The following BAIAP2 variants were observed in gnomAD, a reference collection of about 807,000 sequenced individuals.
BAIAP2 encodes BAR/IMD domain-containing adapter protein 2.
Under a neutral mutation model 63.0 loss-of-function variants are expected in BAIAP2, and 18 were observed. The ratio of observed to expected loss-of-function variants is 0.29; its 90% CI spans 0.20 to 0.42. The LOEUF (loss-of-function observed/expected upper bound fraction) is 0.42. Among genes scored for constraint, BAIAP2 ranks in the 10% least tolerant of loss-of-function variants. The probability of loss-of-function intolerance (pLI) is 1.00; values close to 1 mark genes in which losing one functional copy is unlikely to be tolerated. For missense variants in BAIAP2, 610 were observed against 734.3 expected (o/e 0.83, Z 1.96); for synonymous variants, 386 against 307.6 (o/e 1.25, Z -2.67).
chr17:81,042,157 T>C (rs1598485248), intron 1 of BAIAP2, among the ~76,000 whole-genome samples: 1 of 91,606 alleles, frequency 1.1e-5, no homozygotes, highest in Non-Finnish European at 2.4e-5. Context: ...TTTTTTTTTT[T>C]TGGAGACAGA....
intron 7 of BAIAP2, among the ~76,000 whole-genome samples, chr17:81,103,162 C>G (rs902760907): frequency 6.6e-6 from 1 of 152,190 alleles, no homozygotes; most frequent in Non-Finnish European, 1.5e-5. Flanking sequence ...CTTCCTGGCA[C>G]TTTGGGGTTT....
At chr17:81,055,656 C>T (rs372829084) in intron 2 of BAIAP2, among the ~76,000 whole-genome samples, 214 of 147,306 alleles carry the variant, frequency 1.5e-3, no homozygotes, top group African/African-American at 5.3e-3. Context: ...AACTCTGCCT[C>T]CCGGGTTCAC....
rs991576726 is a variant in BAIAP2 at position 81,117,007 on chromosome 17, C to T, written c.*1168C>T. The T allele has an allele frequency of 6.6e-6, 1 of 152,538 alleles. No homozygotes were observed. The allele number at this position is 152,538 out of a possible 1,614,324, so 9.4% of individuals were successfully genotyped here. A position where few individuals can be genotyped will look rare whatever the true frequency, so the allele number is the denominator to read the frequency against. The stretch of plus-strand genomic sequence containing the variant: ...CAGACAGACATTGCCCTCAGAAGGG[C>T]AGGGAGGAGGCTGTCCTGGAGAGGC... On this transcript the variant is annotated 3_prime_UTR_variant, in exon 14 of 14. Transcript: ENST00000428708.
At chr17:81,057,022 G>T (rs2144278314) in intron 2 of BAIAP2, among the ~76,000 whole-genome samples, 1 of 152,382 alleles carries the variant, frequency 6.6e-6, no homozygotes, top group East Asian at 1.9e-4. Flanking sequence ...AGAACAAATT[G>T]TGCGCTTAAT....
At chr17:81,098,108 G>T (rs988486268) in intron 6 of BAIAP2, 1 of 1,387,690 alleles carries the variant, frequency 7.2e-7, no homozygotes, top group Non-Finnish European at 9.4e-7. Context: ...CCAGCGGGGG[G>T]TGGGGAGGCA....
intron 6 of BAIAP2, among the ~76,000 whole-genome samples, chr17:81,091,607 G>A (rs1403053481): frequency 3.9e-5 from 6 of 152,212 alleles, no homozygotes; most frequent in African/African-American, 1.4e-4. Context: ...AGAGAGGCAG[G>A]TGTGCCCACA....
intron 7 of BAIAP2, among the ~76,000 whole-genome samples, chr17:81,102,401 C>T (rs1459301957): frequency 6.6e-6 from 1 of 152,182 alleles, no homozygotes; most frequent in South Asian, 2.1e-4. Flanking sequence ...TACCACTGAT[C>T]TCAGCCAGGG....
intron 6 of BAIAP2, 81 bp downstream of exon 6, chr17:81,086,661 G>A: frequency 6.6e-7 from 1 of 1,523,356 alleles, no homozygotes; most frequent in South Asian, 1.2e-5. Flanking sequence ...TCCACAGGGA[G>A]TGGACAGCAG....
rs140045781 is a variant in BAIAP2, at chr17:81,086,484, C to A, written c.393C>A (p.Gly131=). Reference sequence around the variant, plus strand: ...ACCAGACTGAGCAAAGGAGCAAAGGCGACGCCCTGGACAAGTGTCAGGCTG... The same window carrying A: ...ACCAGACTGAGCAAAGGAGCAAAGGAGACGCCCTGGACAAGTGTCAGGCTG... ...KKYQTEQRSK[G]DALDKCQAEL... Residue 131 remains glycine, a synonymous_variant, in exon 6 of 14, where the codon GGC becomes GGA. Transcript: ENST00000428708. 1 of 1,614,006 alleles carries A rather than the reference C, an allele frequency of 6.2e-7. No homozygotes were observed.
At chr17:81,113,958 C>CTTTT (rs58758919) in intron 13 of BAIAP2, among the ~76,000 whole-genome samples, 2 of 83,168 alleles carry the variant, frequency 2.4e-5, no homozygotes, top group South Asian at 4.5e-4. Context: ...TGGGAACCCA[C>CTTTT]TTTTTTTTTT....
chr17:81,057,971 A>AGTGGGGGGGG lies in BAIAP2; in HGVS notation c.217+5_217+6insTGGGGGGGGG. 4 of 664,806 alleles carry AGTGGGGGGGG rather than the reference A, an allele frequency of 6.0e-6. No homozygotes were observed. The highest frequency in any genetic ancestry group is 2.2e-5 in the South Asian group (1 of 45,682). The allele number at this position is 664,806 out of a possible 1,614,324, so 41.2% of individuals were successfully genotyped here. A position where few individuals can be genotyped will look rare whatever the true frequency, so the allele number is the denominator to read the frequency against. ...AGCCAGGGCTCCAAAGAACTCGGTG[A>AGTGGGGGGGG]GACCCCCCCCCCCCCCCCGCCTGGT... is the stretch of plus-strand genomic sequence containing the variant. On this transcript the variant is annotated splice_donor_region_variant and intron_variant, in intron 3 of 13. Transcript: ENST00000428708.
intron 13 of BAIAP2, chr17:81,109,896 C>T (rs894748597): frequency 1.4e-5 from 14 of 985,348 alleles, no homozygotes; most frequent in Middle Eastern, 5.2e-4. Flanking sequence ...GTGTGCGGGC[C>T]GGGCCCGGCT....
chr17:81,098,276 G>A (rs2057976393), intron 6 of BAIAP2: 2 of 1,091,144 alleles, frequency 1.8e-6, no homozygotes, highest in South Asian at 7.8e-5. Flanking sequence ...TCCGGGGCCT[G>A]GGAGGCAGCG....
chr17:81,049,506 T>C (rs968159236), intron 1 of BAIAP2, among the ~76,000 whole-genome samples: 16 of 152,154 alleles, frequency 1.1e-4, no homozygotes, highest in Non-Finnish European at 1.8e-4. Context: ...CAAGCTCCCT[T>C]CCCCTTTTAA....
intron 2 of BAIAP2, among the ~76,000 whole-genome samples, chr17:81,057,016 C>A (rs969399593): frequency 6.6e-6 from 1 of 152,276 alleles, no homozygotes; most frequent in African/African-American, 2.4e-5. Context: ...TGCCGCAGAA[C>A]AAATTGTGCG....
rs2055254804 is a variant in BAIAP2 at position 81,084,681 on chromosome 17, C to A, written c.218-151C>A. The A allele has an allele frequency of 4.2e-6, 3 of 718,266 alleles. No individual in the cohort carries two copies. The Admixed American group carries it at 6.0e-5, about 14-fold the overall frequency. The allele number at this position is 718,266 out of a possible 1,614,324, so 44.5% of individuals were successfully genotyped here. On this transcript the variant is annotated intron_variant, in intron 3 of 13. Coordinates refer to ENST00000428708, the MANE Select transcript of BAIAP2 (RefSeq NM_001144888.2). ...TTTCTGTTTCCTTTTGGTGTCCCCT[C>A]TCCGCCCTCCCTTCTGGCCCTGACA... is the stretch of plus-strand genomic sequence containing the variant.
intron 13 of BAIAP2, chr17:81,110,360 C>T: frequency 1.0e-6 from 1 of 986,650 alleles, no homozygotes; most frequent in Non-Finnish European, 1.2e-6. Context: ...ATTCCATGCT[C>T]AATGGATGAA....
At position 81,086,532 on chromosome 17, in the gene BAIAP2, G is replaced by T; in HGVS notation, c.441G>T (p.Lys147Asn). 6.2e-7 allele frequency: 1 copy of T among 1,613,942 alleles called. No individual in the cohort carries two copies. The highest frequency in any genetic ancestry group is 8.5e-7 in the Non-Finnish European group (1 of 1,180,036). The part of the protein sequence containing the change: ...CQAELKKLRK[K>N]SQGSKNPQKY... ...CTGAGCTGAAGAAGCTTCGGAAGAA[G>T]AGCCAGGGCAGCAAGAATCCTCAGA... The change falls in exon 6 of 14, where the codon AAG becomes AAT. Residue 147 changes from lysine to asparagine, a missense_variant. Physicochemically the swap from Lys to Asn is moderately conservative, Grantham distance 94 (BLOSUM62 0). This residue lies in a region of BAIAP2 where 389 missense variants were observed against 455.6 expected (regional missense o/e 0.85). Coordinates refer to ENST00000428708, the MANE Select transcript of BAIAP2 (RefSeq NM_001144888.2).
At chr17:81,045,102 T>A in intron 1 of BAIAP2, among the ~76,000 whole-genome samples, 1 of 152,186 alleles carries the variant, frequency 6.6e-6, no homozygotes, top group East Asian at 1.9e-4. Context: ...GTGGGCCGGG[T>A]CATGGTGTCC....
Sources: gnomAD v4.1 joint callset for allele counts (sites outside exome capture counted in the v4.1 genomes callset) on GRCh38, gnomAD v4.1.1 for gene constraint, gnomAD v4.1.1 regional missense constraint, MANE v1.5 for transcripts, NCBI Gene and HGNC (gene_info 2026-07-23, HGNC 2026-07-21) for gene names.